Variants in CTNNA3 observed in about 807,000 individuals in gnomAD.
CTNNA3 encodes catenin alpha 3, also known as catenin alpha-3.
In CTNNA3, 76 loss-of-function variants were observed where a neutral mutation model predicts 95.7. The ratio of observed to expected loss-of-function variants is 0.79; its 90% CI spans 0.66 to 0.96. The LOEUF (loss-of-function observed/expected upper bound fraction) is 0.96, where lower values mean the gene tolerates loss of function less well. Ranked by LOEUF, CTNNA3 falls within the 40% of genes least tolerant of loss-of-function variation. The pLI is 0.00. For missense variants in CTNNA3, 1,191 were observed against 1,089.8 expected (o/e 1.09, Z -1.31); for synonymous variants, 431 against 374.4 (o/e 1.15, Z -1.74).
intron 5 of CTNNA3, among the ~76,000 whole-genome samples, chr10:67,471,626 G>C (rs942458393): frequency 6.6e-6 from 1 of 152,198 alleles, no homozygotes; most frequent in African/African-American, 2.4e-5. Context: ...AATCCTTCTT[G>C]TTGAGGATAG....
At chr10:66,179,045 T>G (rs1443964867) in intron 13 of CTNNA3, among the ~76,000 whole-genome samples, 1 of 151,962 alleles carries the variant, frequency 6.6e-6, no homozygotes, top group Non-Finnish European at 1.5e-5. Context: ...GCAATTGCCT[T>G]TCTGGGAATT....
In CTNNA3 at chr10:66,432,447, A is replaced by G. The variant is rs554863576; in HGVS notation, c.1532-53095T>C. On this transcript the variant is annotated intron_variant, in intron 11 of 17. Transcript: ENST00000433211. ...GCCAAGGCAGGTGGATCACGAGGTC[A>G]GGAGATCAATACCATCCTGGCTAAC... Among the ~76,000 whole-genome samples, 465 of 152,284 alleles carry G rather than the reference A, an allele frequency of 3.1e-3. 1 individual carries two copies. Among genetic ancestry groups the G allele is most frequent in the African/African-American group, 0.011 (445 of 41,578 alleles).
rs1589198330 is a variant in CTNNA3 at position 66,402,841 on chromosome 10, C to T, written c.1532-23489G>A. 5.3e-5 allele frequency among the ~76,000 whole-genome samples: 8 copies of T among 152,020 alleles called. No individual in the cohort carries two copies. The South Asian group carries it at 1.7e-3, about 32-fold the overall frequency. ...AGAAACTTGGACCCCCACAGGGAAC[C>T]CCCCACCTAAGGGATCCACTGGCAT... On this transcript the variant is annotated intron_variant, in intron 11 of 17. Transcript: ENST00000433211.
chr10:66,655,674 G>A (rs1268647602), intron 9 of CTNNA3, among the ~76,000 whole-genome samples: 1 of 152,040 alleles, frequency 6.6e-6, no homozygotes, highest in Non-Finnish European at 1.5e-5. Context: ...GGACAATTCT[G>A]ATAGTAAGGA....
intron 1 of CTNNA3, among the ~76,000 whole-genome samples, chr10:67,755,362 T>C (rs116212654): frequency 0.018 from 2,769 of 151,714 alleles, 86 homozygotes; most frequent in African/African-American, 0.063. Context: ...CTGGCAAGGA[T>C]GTAAAGAAAG....
rs893958740 is a variant in CTNNA3 at position 66,762,393 on chromosome 10, T to C, written c.1281+3871A>G. ...ACACAGAGTAACTGGATGCTCAAAG[T>C]AGGAAAAGTTTGCATAATAGGTACT... On this transcript the variant is annotated intron_variant, in intron 9 of 17. Transcript: ENST00000433211. Among the ~76,000 whole-genome samples, 3 of 152,026 alleles carry C rather than the reference T, an allele frequency of 2.0e-5. No individual in the cohort carries two copies. In the East Asian group the frequency reaches 5.9e-4, roughly 30 times the overall value.
intron 3 of CTNNA3, among the ~76,000 whole-genome samples, chr10:67,588,832 T>C (rs1038319457): frequency 6.6e-6 from 1 of 152,086 alleles, no homozygotes; most frequent in African/African-American, 2.4e-5. Flanking sequence ...CTAAATCTAA[T>C]GAGAAAACTA....
chr10:66,402,315 C>T (rs770252914), intron 11 of CTNNA3, among the ~76,000 whole-genome samples: 3 of 152,108 alleles, frequency 2.0e-5, no homozygotes, highest in Non-Finnish European at 4.4e-5. Flanking sequence ...ACCCTCTTTA[C>T]CTGTATATTT....
At chr10:66,318,261 G>GATAT (rs1554932044) in intron 12 of CTNNA3, among the ~76,000 whole-genome samples, 26,942 of 137,212 alleles carry the variant, frequency 0.2, 2,812 homozygotes, top group South Asian at 0.27. Context: ...GTTGCTGGGA[G>GATAT]ATATATATAT....
chr10:67,594,305 G>T (rs775978059), intron 3 of CTNNA3, among the ~76,000 whole-genome samples: 25 of 152,084 alleles, frequency 1.6e-4, no homozygotes, highest in Admixed American at 4.6e-4. Context: ...TCGATTTTTT[G>T]AACAGTTTCA....
chr10:67,323,205 G>A (rs1841396297), intron 5 of CTNNA3, among the ~76,000 whole-genome samples: 1 of 152,122 alleles, frequency 6.6e-6, no homozygotes, highest in Non-Finnish European at 1.5e-5. Flanking sequence ...TTTCTGTGCA[G>A]AAGCTCTTTA....
chr10:66,130,792 G>T (rs1197167889), intron 13 of CTNNA3, among the ~76,000 whole-genome samples: 1 of 150,486 alleles, frequency 6.6e-6, no homozygotes, highest in Non-Finnish European at 1.5e-5. Context: ...GGAGGTGGAG[G>T]TTGCAGTAAG....
At chr10:66,862,818 T>A (rs1172684243) in intron 7 of CTNNA3, among the ~76,000 whole-genome samples, 1 of 152,184 alleles carries the variant, frequency 6.6e-6, no homozygotes, top group Non-Finnish European at 1.5e-5. Context: ...AGATTAATAT[T>A]TGAATTGGTA....
At chr10:67,570,862 C>T (rs1202320856) in intron 3 of CTNNA3, among the ~76,000 whole-genome samples, 1 of 152,102 alleles carries the variant, frequency 6.6e-6, no homozygotes, top group African/African-American at 2.4e-5. Context: ...TCATACTGGC[C>T]ATCCAGTGCT....
At chr10:67,295,335 G>A (rs992579654) in intron 5 of CTNNA3, among the ~76,000 whole-genome samples, 8 of 152,170 alleles carry the variant, frequency 5.3e-5, no homozygotes, top group African/African-American at 1.9e-4. Flanking sequence ...ACAACAGATA[G>A]ATCATAAATT....
rs80064198 is a variant in CTNNA3, at chr10:66,250,851, T to C, written c.1884+29619A>G. ...TTCTCTATCTTTTAGCTTCTGTACT[T>C]CTCAAATATTACTGCTATTTATATG... is the stretch of plus-strand genomic sequence containing the variant. On this transcript the variant is annotated intron_variant, in intron 13 of 17. Coordinates refer to ENST00000433211, the MANE Select transcript of CTNNA3 (RefSeq NM_013266.4). 4.7e-3 allele frequency among the ~76,000 whole-genome samples: 712 copies of C among 152,314 alleles called. 4 individuals are homozygous for C. The highest frequency in any genetic ancestry group is 0.016 in the African/African-American group (671 of 41,568).
At chr10:67,089,973 T>A (rs768402405) in intron 7 of CTNNA3, among the ~76,000 whole-genome samples, 5 of 152,010 alleles carry the variant, frequency 3.3e-5, no homozygotes, top group African/African-American at 1.2e-4. Context: ...ACAAGTATAG[T>A]CTCATATGAA....
intron 7 of CTNNA3, among the ~76,000 whole-genome samples, chr10:66,848,062 C>T (rs1226423541): frequency 6.6e-6 from 1 of 152,054 alleles, no homozygotes; most frequent in East Asian, 1.9e-4. Flanking sequence ...AAGAACATGG[C>T]AGAGGATCTG....
intron 13 of CTNNA3, among the ~76,000 whole-genome samples, chr10:66,217,171 T>C (rs1404666762): frequency 6.6e-6 from 1 of 152,034 alleles, no homozygotes; most frequent in African/African-American, 2.4e-5. Context: ...CTGGCCAAGA[T>C]GGTGAAACGC....
Sources: allele counts gnomAD v4.1 joint callset (sites outside exome capture counted in the v4.1 genomes callset), GRCh38; gene constraint gnomAD v4.1.1; transcripts MANE v1.5; gene names NCBI Gene and HGNC (gene_info 2026-07-23, HGNC 2026-07-21).